Variants in ZNF814 observed in about 807,000 individuals in gnomAD.
ZNF814 encodes the protein zinc finger protein 814.
In ZNF814, 5 loss-of-function variants were observed where a neutral mutation model predicts 7.5. The ratio of observed to expected loss-of-function variants is 0.67; its 90% CI spans 0.35 to 1.40. ZNF814 has a LOEUF of 1.40. ZNF814 is among the 40% of genes most tolerant of loss of function. The pLI is 0.04. For missense variants in ZNF814, 962 were observed against 1,018.0 expected, an observed-to-expected ratio of 0.94 and a Z score of 0.75; for synonymous variants, 315 against 340.7, an observed-to-expected ratio of 0.92 and a Z score of 0.83.
rs189839376 is a variant in ZNF814 at position 57,889,020 on chromosome 19, T to C, written c.-218A>G. The C allele has an allele frequency of 9.9e-5, 55 of 554,464 alleles. No homozygotes were observed. The highest frequency in any genetic ancestry group is 4.7e-4 in the African/African-American group (25 of 53,114). The allele number at this position is 554,464 out of a possible 1,614,324, so 34.3% of individuals were successfully genotyped here. A position where few individuals can be genotyped will look rare whatever the true frequency, so the allele number is the denominator to read the frequency against. ...CTCAGGAGCCTCTCCTACAAATAAATCCAACACCAATCAAAATGGCCGCCA... is the reference window on the plus strand; with the variant it reads ...CTCAGGAGCCTCTCCTACAAATAAACCCAACACCAATCAAAATGGCCGCCA... On this transcript the variant is annotated 5_prime_UTR_variant, in exon 1 of 3. Coordinates refer to ENST00000435989, the MANE Select transcript of ZNF814 (RefSeq NM_001144989.2).
chr19:57,878,851 G>C (rs1230839020), intron 1 of ZNF814, among the ~76,000 whole-genome samples: 1 of 152,146 alleles, frequency 6.6e-6, no homozygotes, highest in Non-Finnish European at 1.5e-5. Context: ...AGGACTGCTT[G>C]ATTCCAGGAG....
At chr19:57,894,107 G>A in the ZNF814 span, among the ~76,000 whole-genome samples, 3 of 150,924 alleles carry the variant, frequency 2.0e-5, no homozygotes, top group Non-Finnish European at 2.9e-5. Flanking sequence ...TCCAGGTGCA[G>A]TGGCTCATGC....
At chr19:57,898,939 C>CCAAAAA in the ZNF814 span, among the ~76,000 whole-genome samples, 2 of 91,972 alleles carry the variant, frequency 2.2e-5, no homozygotes, top group East Asian at 2.8e-4. Context: ...GACTCTGTCT[C>CCAAAAA]AAAAAAAAAA....
At chr19:57,903,333 A>C in the ZNF814 span, among the ~76,000 whole-genome samples, 1 of 152,224 alleles carries the variant, frequency 6.6e-6, no homozygotes, top group Admixed American at 6.5e-5. Flanking sequence ...AATTCTATGA[A>C]ATTATGGAGC....
At chr19:57,903,321 A>C in the ZNF814 span, among the ~76,000 whole-genome samples, 1 of 152,234 alleles carries the variant, frequency 6.6e-6, no homozygotes, top group African/African-American at 2.4e-5. Flanking sequence ...AAATGGAAAA[A>C]GAATTCTATG....
rs757349693 is a variant in ZNF814 at position 57,888,989 on chromosome 19, C to G, written c.-187G>C. ...TGGGTTCAGTCACCACAGTGCGGAC[C>G]TAGCGCTCAGGAGCCTCTCCTACAA... On this transcript the variant is annotated 5_prime_UTR_variant, in exon 1 of 3. Coordinates refer to ENST00000435989, the MANE Select transcript of ZNF814 (RefSeq NM_001144989.2). 4 of 618,464 alleles carry G rather than the reference C, an allele frequency of 6.5e-6. No individual in the cohort carries two copies. The highest frequency in any genetic ancestry group is 8.5e-6 in the Non-Finnish European group (3 of 354,696). 38.3% of individuals were successfully genotyped at this position (618,464 alleles called of 1,614,324 possible).
chr19:57,872,533 G>T lies in ZNF814; in HGVS notation c.*289C>A. 2 of 692,450 alleles carry T rather than the reference G, an allele frequency of 2.9e-6. No homozygotes were observed. Among genetic ancestry groups the T allele is most frequent in the Non-Finnish European group, 4.8e-6 (2 of 413,028 alleles). 42.9% of individuals were successfully genotyped at this position (692,450 alleles called of 1,614,324 possible). On this transcript the variant is annotated 3_prime_UTR_variant, in exon 3 of 3. Transcript: ENST00000435989. The stretch of plus-strand genomic sequence containing the variant: ...AACTCTCTGATATTCAAGGAGAAAA[G>T]ACCTTCAGGTAACTTTTTTCCCACA...
At chr19:57,891,170 A>C (rs2071732262), upstream of ZNF814, among the ~76,000 whole-genome samples, 1 of 152,198 alleles carries the variant, frequency 6.6e-6, no homozygotes, top group Non-Finnish European at 1.5e-5. Flanking sequence ...AACATCAGGA[A>C]GTTATCCTAT....
chr19:57,894,083 GAA>G, the ZNF814 span, among the ~76,000 whole-genome samples: 1 of 131,396 alleles, frequency 7.6e-6, no homozygotes. Context: ...ACTCTGTCTC[GAA>G]AAAAAAAAAA....
At chr19:57,884,494 G>C (rs1782402580) in intron 1 of ZNF814, among the ~76,000 whole-genome samples, 2 of 152,116 alleles carry the variant, frequency 1.3e-5, no homozygotes, top group Admixed American at 1.3e-4. Flanking sequence ...ACATGCCTGT[G>C]GTGGTCCCTG....
At chr19:57,889,109 C>T, upstream of ZNF814, 1 of 453,928 alleles carries the variant, frequency 2.2e-6, no homozygotes, top group East Asian at 3.2e-5. Flanking sequence ...TTATTCTGAG[C>T]CCTCAGAGGT....
intron 1 of ZNF814, among the ~76,000 whole-genome samples, chr19:57,878,745 C>T (rs563896771): frequency 1.3e-5 from 2 of 152,122 alleles, no homozygotes; most frequent in Admixed American, 1.3e-4. Flanking sequence ...AGGCGTGAGC[C>T]GCTGCACCTG....
At chr19:57,876,577 G>A (rs1386305097) in intron 2 of ZNF814, 1 of 407,898 alleles carries the variant, frequency 2.5e-6, no homozygotes, top group Admixed American at 4.0e-5. Flanking sequence ...CCTGCCACAG[G>A]AAGGCATAAG....
intron 1 of ZNF814, among the ~76,000 whole-genome samples, chr19:57,877,882 G>A (rs895334704): frequency 1.3e-5 from 2 of 151,922 alleles, no homozygotes; most frequent in African/African-American, 4.8e-5. Flanking sequence ...CAATTGTATT[G>A]AGCCAGGCGC....
chr19:57,888,476 T>C (rs2071711412), intron 1 of ZNF814, among the ~76,000 whole-genome samples: 2 of 152,182 alleles, frequency 1.3e-5, no homozygotes, highest in Non-Finnish European at 2.9e-5. Context: ...CCCAGCCTGC[T>C]TGCTCTTCCA....
At position 57,888,842 on chromosome 19, in the gene ZNF814, G is replaced by T; in HGVS notation, c.-40C>A. The T allele has an allele frequency of 6.4e-7, 1 of 1,550,828 alleles. No individual in the cohort carries two copies. The highest frequency in any genetic ancestry group is 8.7e-7 in the Non-Finnish European group (1 of 1,146,440). On this transcript the variant is annotated 5_prime_UTR_variant, in exon 1 of 3. Coordinates refer to ENST00000435989, the MANE Select transcript of ZNF814 (RefSeq NM_001144989.2). ...TTAAGCAGAGTCGGGAGGATAGGGC[G>T]ACCAGCCAGGAGATATGGGCACGAC...
rs772452026 is a variant in ZNF814 at position 57,873,947 on chromosome 19, G to A, written c.1443C>T (p.His481=). ...KSFSHKRSLV[H]HQRVHSGERP... ...TTTCTCCACTGTGAACTCGCTGATG[G>A]TGAACAAGGCTGCGCTTATGACTGA... The change falls in exon 3 of 3, where the codon CAC becomes CAT. Residue 481 remains histidine (H), a synonymous_variant. Transcript: ENST00000435989. 9 of 1,613,128 alleles carry A rather than the reference G, an allele frequency of 5.6e-6. No individual in the cohort carries two copies. Among genetic ancestry groups the A allele is most frequent in the Non-Finnish European group, 7.6e-6 (9 of 1,179,814 alleles).
At chr19:57,883,236 T>C (rs1298943114) in intron 1 of ZNF814, among the ~76,000 whole-genome samples, 5 of 151,686 alleles carry the variant, frequency 3.3e-5, no homozygotes, top group Non-Finnish European at 7.4e-5. Context: ...CGGGCACCTG[T>C]AGTCCCAGCT....
At position 57,876,775 on chromosome 19, in the gene ZNF814, A is replaced by T. The variant is rs575902367; in HGVS notation, c.163+141T>A. On this transcript the variant is annotated intron_variant, in intron 2 of 2. Transcript: ENST00000435989. ...GAGTAGGGCAGTATGTACACCTCAG[A>T]CCTACCAACCAAGAACCTACCCACA... The T allele has an allele frequency of 1.5e-3, 2,074 of 1,415,956 alleles. 43 individuals carry two copies. The South Asian group carries it at 0.028, about 19-fold the overall frequency. 87.7% of individuals were successfully genotyped at this position (1,415,956 alleles called of 1,614,324 possible).
Sources: gnomAD v4.1 joint callset for allele counts (sites outside exome capture counted in the v4.1 genomes callset) on GRCh38, gnomAD v4.1.1 for gene constraint, MANE v1.5 for transcripts, NCBI Gene and HGNC (gene_info 2026-07-23, HGNC 2026-07-21) for gene names.